The following DOCK2 variants were observed in gnomAD, a reference collection of about 807,000 sequenced individuals.
The protein encoded by DOCK2 is dedicator of cytokinesis protein 2.
A neutral mutation model predicts 248.9 loss-of-function variants in DOCK2; 87 were observed. That is an observed-to-expected ratio of 0.35 (90% confidence interval 0.29 to 0.42). DOCK2 has a LOEUF of 0.42. Ranked by LOEUF, DOCK2 falls within the 10% of genes least tolerant of loss-of-function variation. DOCK2 has a pLI of 1.00. For missense variants in DOCK2, 1,747 were observed against 2,300.2 expected (o/e 0.76, Z 4.92); for synonymous variants, 805 against 821.6 (o/e 0.98, Z 0.35).
intron 26 of DOCK2, among the ~76,000 whole-genome samples, chr5:169,815,900 G>T (rs879381024): frequency 3.9e-5 from 6 of 152,164 alleles, no homozygotes; most frequent in Admixed American, 3.9e-4. Context: ...CTGTAGAGGG[G>T]CTGCGGAAGA....
chr5:170,041,890 G>T, intron 37 of DOCK2, 123 bp from the exon 38 acceptor site: 1 of 1,225,748 alleles, frequency 8.2e-7, no homozygotes, highest in Non-Finnish European at 1.1e-6. Flanking sequence ...GTTCAAGAAA[G>T]GAGGAGAGAT....
At chr5:169,809,687 C>T (rs746350977) in intron 26 of DOCK2, among the ~76,000 whole-genome samples, 4 of 152,204 alleles carry the variant, frequency 2.6e-5, no homozygotes, top group Admixed American at 6.5e-5. Flanking sequence ...ACACTGACTT[C>T]GCAGAGTTTA....
intron 48 of DOCK2, among the ~76,000 whole-genome samples, chr5:170,078,656 G>A (rs1322327492): frequency 2.0e-5 from 3 of 152,206 alleles, no homozygotes; most frequent in Admixed American, 1.3e-4. Flanking sequence ...GCTAAGAACT[G>A]GCCGTGCCTG....
intron 29 of DOCK2, among the ~76,000 whole-genome samples, chr5:169,992,384 A>G (rs1241241010): frequency 1.3e-5 from 2 of 152,244 alleles, no homozygotes; most frequent in Admixed American, 1.3e-4. Flanking sequence ...TCAACAATTC[A>G]GGTTCATTGT....
At position 170,075,943 on chromosome 5, in the gene DOCK2, C is replaced by A; in HGVS notation, c.4729-4C>A. 1.9e-6 allele frequency: 3 copies of A among 1,613,920 alleles called. No homozygotes were observed. The highest frequency in any genetic ancestry group is 2.5e-6 in the Non-Finnish European group (3 of 1,179,914). On this transcript the variant is annotated splice_polypyrimidine_tract_variant and splice_region_variant and intron_variant, in intron 46 of 51. Coordinates refer to ENST00000520908, the MANE Select transcript of DOCK2 (RefSeq NM_004946.3). The stretch of plus-strand genomic sequence containing the variant: ...TGGCTCATTCTTTACCACTTTCTCT[C>A]CAGATCCCCTTCTTGGGAGCTGGGA...
intron 27 of DOCK2, among the ~76,000 whole-genome samples, chr5:169,902,198 C>T (rs1405984557): frequency 2.0e-5 from 3 of 152,170 alleles, no homozygotes; most frequent in Non-Finnish European, 4.4e-5. Flanking sequence ...TTAGTCTAGT[C>T]GTGTTTAACT....
intron 2 of DOCK2, among the ~76,000 whole-genome samples, chr5:169,661,682 TTTTTTGTTCCATATATAAGTGA>T (rs1758453912): frequency 6.6e-6 from 1 of 152,204 alleles, no homozygotes; most frequent in Admixed American, 6.5e-5. Flanking sequence ...TTTGACTCTT[TTTTTTGTTCCATATATAAGTGA>T]AATAATGCAA....
chr5:170,072,140 C>G lies in DOCK2; in HGVS notation c.4728+2920C>G, dbSNP rs541394480. 2.6e-4 allele frequency among the ~76,000 whole-genome samples: 40 copies of G among 152,202 alleles called. No individual in the cohort carries two copies. The East Asian group carries it at 7.5e-3, about 29-fold the overall frequency. On this transcript the variant is annotated intron_variant, in intron 46 of 51. Coordinates refer to ENST00000520908, the MANE Select transcript of DOCK2 (RefSeq NM_004946.3). ...ATGCAAAATTTTTGTTGGGTATATA[C>G]CTATGCATTGATTTGCTTGGTCATA...
At chr5:169,718,974 G>GA (rs1196471995) in intron 22 of DOCK2, among the ~76,000 whole-genome samples, 183 bp downstream of exon 22, 2 of 151,888 alleles carry the variant, frequency 1.3e-5, no homozygotes, top group African/African-American at 2.4e-5. Context: ...GTTCATTTGG[G>GA]AAAAAAAAGA....
chr5:169,808,688 T>A (rs1008171181), intron 26 of DOCK2, among the ~76,000 whole-genome samples: 4 of 152,178 alleles, frequency 2.6e-5, no homozygotes, highest in Non-Finnish European at 5.9e-5. Flanking sequence ...GAGTAACTGA[T>A]AAAATTTAAT....
intron 27 of DOCK2, among the ~76,000 whole-genome samples, chr5:169,927,624 T>G (rs971939390): frequency 6.6e-6 from 1 of 152,158 alleles, no homozygotes; most frequent in African/African-American, 2.4e-5. Flanking sequence ...TAGGAAAAAT[T>G]CTTGTTTTTT....
intron 25 of DOCK2, among the ~76,000 whole-genome samples, chr5:169,770,857 A>G (rs1184623873): frequency 6.6e-6 from 1 of 152,180 alleles, no homozygotes; most frequent in Non-Finnish European, 1.5e-5. Context: ...TCATGCTTTC[A>G]ATTTCAGGCA....
intron 26 of DOCK2, among the ~76,000 whole-genome samples, 151 bp from the exon 27 acceptor site, chr5:169,840,585 CGATGATGATGATGATGATGAT>C (rs10684419): frequency 6.8e-6 from 1 of 148,094 alleles, no homozygotes; most frequent in Non-Finnish European, 1.5e-5. Context: ...GGAGATATGG[CGATGATGATGATGATGATGAT>C]GATGATGATG....
intron 41 of DOCK2, 28 bp downstream of exon 41, chr5:170,050,425 G>T: frequency 6.2e-7 from 1 of 1,607,490 alleles, no homozygotes; most frequent in Non-Finnish European, 8.5e-7. Flanking sequence ...CCTAGCCAAG[G>T]GGCCAGACCT....
At chr5:169,683,090 C>A (rs184668724) in intron 7 of DOCK2, among the ~76,000 whole-genome samples, 447 of 152,290 alleles carry the variant, frequency 2.9e-3, no homozygotes, top group Non-Finnish European at 3.0e-3. Context: ...CAACTATGAA[C>A]ATTTGGAAAC....
intron 26 of DOCK2, among the ~76,000 whole-genome samples, chr5:169,835,551 G>A (rs1366418774): frequency 6.6e-6 from 1 of 151,950 alleles, no homozygotes; most frequent in Non-Finnish European, 1.5e-5. Flanking sequence ...CAGCGGGCCT[G>A]GCCAAAATGC....
At chr5:169,811,483 A>G (rs150829975) in intron 26 of DOCK2, among the ~76,000 whole-genome samples, 2 of 152,300 alleles carry the variant, frequency 1.3e-5, no homozygotes, top group Admixed American at 6.5e-5. Flanking sequence ...AGAGCAGCTA[A>G]TTAAGCCCCA....
At chr5:170,013,101 T>C (rs1045172641) in intron 32 of DOCK2, among the ~76,000 whole-genome samples, 1 of 151,820 alleles carries the variant, frequency 6.6e-6, no homozygotes, top group Admixed American at 6.6e-5. Flanking sequence ...TGTGGGGAAA[T>C]GGCTTCTGAA....
intron 27 of DOCK2, among the ~76,000 whole-genome samples, chr5:169,924,418 A>G (rs544807565): frequency 3.3e-4 from 50 of 152,260 alleles, no homozygotes; most frequent in African/African-American, 1.2e-3. Flanking sequence ...ACTTCCTCCA[A>G]CCATCCTGTC....
Sources: gnomAD v4.1 joint callset for allele counts (sites outside exome capture counted in the v4.1 genomes callset) on GRCh38, gnomAD v4.1.1 for gene constraint, MANE v1.5 for transcripts, NCBI Gene and HGNC (gene_info 2026-07-23, HGNC 2026-07-21) for gene names.